The following DEFB1 variants were observed in gnomAD, a reference collection of about 807,000 sequenced individuals.
DEFB1 encodes the protein defensin beta 1, also known as beta-defensin 1.
In DEFB1, 4 loss-of-function variants were observed where a neutral mutation model predicts 2.6. The ratio of observed to expected loss-of-function variants is 1.53; its 90% confidence interval spans 0.76 to 3.51. The LOEUF is 3.51. Ranked by LOEUF, DEFB1 falls within the 30% of genes most tolerant of loss-of-function variation. The pLI is 0.01. For synonymous variants in DEFB1, 56 were observed against 28.5 expected, an observed-to-expected ratio of 1.96 and a Z score of -3.07; for missense variants, 162 against 76.9, an observed-to-expected ratio of 2.11 and a Z score of -4.14.
In DEFB1 at chr8:6,877,714, C is replaced by G; in HGVS notation, c.61+83G>C. On this transcript the variant is annotated intron_variant, in intron 1 of 1. Transcript: ENST00000297439. ...TGCTTGTTCCTCGTCCCTTGGGACA[C>G]GGAGGCAGCCATCCGAGACTCACAT... The G allele has an allele frequency of 3.2e-6, 4 of 1,262,246 alleles. No homozygotes were observed. In the Admixed American group the frequency reaches 5.4e-5, roughly 17 times the overall value. 78.2% of individuals were successfully genotyped at this position (1,262,246 alleles called of 1,614,324 possible).
In DEFB1 at chr8:6,877,846, G is replaced by A. The variant is rs143580046; in HGVS notation, c.12C>T (p.Ser4=). 4 of 1,613,940 alleles carry A rather than the reference G, an allele frequency of 2.5e-6. No homozygotes were observed. Among genetic ancestry groups the A allele is most frequent in the Non-Finnish European group, 3.4e-6 (4 of 1,179,958 alleles). The change falls in exon 1 of 2, where the codon TCC becomes TCT. Residue 4 remains serine, a synonymous_variant. Transcript: ENST00000297439. ...AGCAGAGAGTAAACAGCAGAAGGTA[G>A]GAAGTTCTCATGGCGACTGGCAGGC... MRT[S]YLLLFTLCLL... is the part of the protein sequence containing the mutation.
At chr8:6,871,578 C>T (rs1215069743) in intron 1 of DEFB1, among the ~76,000 whole-genome samples, 12 of 152,208 alleles carry the variant, frequency 7.9e-5, no homozygotes, top group African/African-American at 1.9e-4. Flanking sequence ...ATTCCTGTGT[C>T]GAAGCCCTAA....
chr8:6,874,118 T>TACAC lies in DEFB1; in HGVS notation c.62-3296_62-3293dup, dbSNP rs756827017. ...AAAAGAACAGCTAGAATATCTGACA[T>TACAC]ACACACACACACACACACACACACA... On this transcript the variant is annotated intron_variant, in intron 1 of 1. Coordinates refer to ENST00000297439, the MANE Select transcript of DEFB1 (RefSeq NM_005218.4). Among the ~76,000 whole-genome samples the TACAC allele has an allele frequency of 9.4e-3, 1,132 of 120,290 alleles. 11 individuals are homozygous for TACAC. The highest frequency in any genetic ancestry group is 0.029 in the African/African-American group (853 of 29,840). The allele number at this position is 120,290 out of a possible 152,430, so 78.9% of individuals were successfully genotyped here. A position where few individuals can be genotyped will look rare whatever the true frequency, so the allele number is the denominator to read the frequency against.
At chr8:6,871,199 A>G (rs1222028437) in intron 1 of DEFB1, among the ~76,000 whole-genome samples, 1 of 152,104 alleles carries the variant, frequency 6.6e-6, no homozygotes, top group Admixed American at 6.5e-5. Flanking sequence ...AGCAGCTGCC[A>G]CTCTTCAAAC....
intron 1 of DEFB1, among the ~76,000 whole-genome samples, chr8:6,874,360 A>T (rs78692882): frequency 0.059 from 335 of 5,690 alleles, 3 homozygotes; most frequent in African/African-American, 0.084. Context: ...TTACTTTTTT[A>T]AAAAAAATTA....
At position 6,877,919 on chromosome 8, in the gene DEFB1, C is replaced by T; in HGVS notation, c.-62G>A. On this transcript the variant is annotated 5_prime_UTR_variant, in exon 1 of 2. Transcript: ENST00000297439. ...GGGGAGACGCTGGCTCCTTTGGAGGCTGAGCTGACAGAGGCTTCCAGAGGC... is the reference window on the plus strand; with the variant it reads ...GGGGAGACGCTGGCTCCTTTGGAGGTTGAGCTGACAGAGGCTTCCAGAGGC... 1 of 1,502,676 alleles carries T rather than the reference C, an allele frequency of 6.7e-7. No individual in the cohort carries two copies. The highest frequency in any genetic ancestry group is 9.3e-7 in the Non-Finnish European group (1 of 1,079,318). 93.1% of individuals were successfully genotyped at this position (1,502,676 alleles called of 1,614,324 possible).
intron 1 of DEFB1, 140 bp from the exon 2 acceptor site, chr8:6,870,966 T>C (rs1281514477): frequency 1.0e-5 from 10 of 958,504 alleles, no homozygotes; most frequent in Non-Finnish European, 1.5e-5. Flanking sequence ...GATTGATCTT[T>C]GGGGCTACTC....
At chr8:6,877,176 C>T (rs1471220466) in intron 1 of DEFB1, among the ~76,000 whole-genome samples, 15 of 152,226 alleles carry the variant, frequency 9.9e-5, no homozygotes. Flanking sequence ...GCACGTCCCA[C>T]CATCATGTCA....
chr8:6,875,635 A>G (rs1221910287), intron 1 of DEFB1, among the ~76,000 whole-genome samples: 1 of 152,234 alleles, frequency 6.6e-6, no homozygotes, highest in African/African-American at 2.4e-5. Flanking sequence ...AAGGATACAG[A>G]GCAAGAGGAA....
At chr8:6,876,543 C>T (rs1241376081) in intron 1 of DEFB1, among the ~76,000 whole-genome samples, 6 of 152,014 alleles carry the variant, frequency 3.9e-5, no homozygotes, top group Non-Finnish European at 7.4e-5. Context: ...TGCCTATAAT[C>T]CCAGAACTTT....
chr8:6,876,617 A>C (rs1177491400), intron 1 of DEFB1, among the ~76,000 whole-genome samples: 5 of 152,044 alleles, frequency 3.3e-5, no homozygotes, highest in African/African-American at 1.2e-4. Flanking sequence ...TCAACACAGT[A>C]AGACCTTATC....
chr8:6,871,152 C>T (rs1233432903), intron 1 of DEFB1, among the ~76,000 whole-genome samples: 2 of 152,218 alleles, frequency 1.3e-5, no homozygotes, highest in African/African-American at 4.8e-5. Flanking sequence ...TGTCTCAACA[C>T]ACCCCAAAAT....
chr8:6,875,064 CCACACACACACACACACACA>C (rs61101914), intron 1 of DEFB1, among the ~76,000 whole-genome samples: 23 of 135,724 alleles, frequency 1.7e-4, no homozygotes, highest in African/African-American at 2.5e-4. Flanking sequence ...CATACCGAAG[CCACACACACACACACACACA>C]CACACACACA....
At chr8:6,874,586 A>G (rs1241445638) in intron 1 of DEFB1, among the ~76,000 whole-genome samples, 4 of 152,238 alleles carry the variant, frequency 2.6e-5, no homozygotes, top group Non-Finnish European at 5.9e-5. Flanking sequence ...AAATGTCCAA[A>G]TGGAATAAGA....
chr8:6,872,480 G>C (rs538261141), intron 1 of DEFB1, among the ~76,000 whole-genome samples: 2 of 152,080 alleles, frequency 1.3e-5, no homozygotes, highest in Non-Finnish European at 2.9e-5. Flanking sequence ...ATTGATACCA[G>C]GCTTCAAACG....
intron 1 of DEFB1, among the ~76,000 whole-genome samples, chr8:6,876,165 TA>T (rs1806520170): frequency 6.6e-6 from 1 of 152,170 alleles, no homozygotes; most frequent in East Asian, 1.9e-4. Context: ...TGGCATGAAG[TA>T]ATATTTTCTA....
intron 1 of DEFB1, among the ~76,000 whole-genome samples, chr8:6,875,111 C>G (rs958541086): frequency 2.1e-5 from 3 of 144,858 alleles, no homozygotes; most frequent in Non-Finnish European, 4.5e-5. Flanking sequence ...CACACACACC[C>G]CATTGCCAGA....
At chr8:6,876,667 G>C (rs760432547) in intron 1 of DEFB1, among the ~76,000 whole-genome samples, 8 of 151,810 alleles carry the variant, frequency 5.3e-5, no homozygotes, top group Non-Finnish European at 7.4e-5. Context: ...GCCAGGTGTG[G>C]TGGTGCATGC....
At chr8:6,874,318 G>C (rs974181467) in intron 1 of DEFB1, among the ~76,000 whole-genome samples, 1 of 151,854 alleles carries the variant, frequency 6.6e-6, no homozygotes, top group African/African-American at 2.4e-5. Context: ...AGACCTAAAT[G>C]AGTGGAAATG....
Sources: allele counts gnomAD v4.1 joint callset (sites outside exome capture counted in the v4.1 genomes callset), GRCh38; gene constraint gnomAD v4.1.1; transcripts MANE v1.5; gene names NCBI Gene and HGNC (gene_info 2026-07-23, HGNC 2026-07-21).